Variants in SYT1 observed in about 807,000 individuals in gnomAD.
SYT1 encodes synaptotagmin 1, also known as synaptotagmin-1.
In SYT1, 8 loss-of-function variants were observed where a neutral mutation model predicts 44.8. The ratio of observed to expected loss-of-function variants is 0.18; its 90% confidence interval spans 0.10 to 0.32. SYT1 has a LOEUF of 0.32. Ranked by LOEUF, SYT1 falls within the 10% of genes least tolerant of loss-of-function variation. SYT1 has a pLI of 1.00. For synonymous variants in SYT1, 154 were observed against 188.8 expected (o/e 0.82, Z 1.51); for missense variants, 286 against 509.3 (o/e 0.56, Z 4.22).
intron 3 of SYT1, among the ~76,000 whole-genome samples, chr12:79,134,364 G>A (rs537941340): frequency 6.6e-6 from 1 of 152,124 alleles, no homozygotes; most frequent in Non-Finnish European, 1.5e-5. Flanking sequence ...AAAATTACAA[G>A]GTAAAAGCTG....
At chr12:79,244,232 T>C (rs1174303657) in intron 4 of SYT1, among the ~76,000 whole-genome samples, 1 of 152,242 alleles carries the variant, frequency 6.6e-6, no homozygotes, top group Non-Finnish European at 1.5e-5. Flanking sequence ...TCATTGGCTT[T>C]GCACATGCCA....
At chr12:79,193,862 A>G (rs1873279138) in intron 3 of SYT1, among the ~76,000 whole-genome samples, 1 of 152,094 alleles carries the variant, frequency 6.6e-6, no homozygotes, top group African/African-American at 2.4e-5. Flanking sequence ...TTCACTTTGT[A>G]TTGTTTTATT....
intron 4 of SYT1, among the ~76,000 whole-genome samples, chr12:79,266,624 C>T (rs543842001): frequency 1.1e-4 from 17 of 152,128 alleles, no homozygotes; most frequent in South Asian, 8.3e-4. Flanking sequence ...TCCCTTCAGA[C>T]GCAAGAACAG....
intron 3 of SYT1, among the ~76,000 whole-genome samples, chr12:79,174,807 A>G (rs1482012735): frequency 9.2e-5 from 14 of 152,060 alleles, no homozygotes. Flanking sequence ...AGGAATTGGC[A>G]TCATCCTATT....
At chr12:79,304,990 G>A (rs142712055) in intron 8 of SYT1, among the ~76,000 whole-genome samples, 32 of 152,062 alleles carry the variant, frequency 2.1e-4, no homozygotes, top group African/African-American at 7.2e-4. Context: ...TTGAGTTTGA[G>A]TCTTTGGTTA....
chr12:78,870,798 A>G (rs2137034564), intron 1 of SYT1, among the ~76,000 whole-genome samples: 1 of 152,172 alleles, frequency 6.6e-6, no homozygotes, highest in Admixed American at 6.5e-5. Flanking sequence ...TACTGTGGGT[A>G]GGAAACAGGT....
chr12:78,963,469 A>G (rs554391440), intron 1 of SYT1, among the ~76,000 whole-genome samples: 1 of 152,314 alleles, frequency 6.6e-6, no homozygotes, highest in Non-Finnish European at 1.5e-5. Flanking sequence ...AATAGCAAAA[A>G]AAACACACTG....
At chr12:79,149,936 A>G (rs1344941019) in intron 3 of SYT1, among the ~76,000 whole-genome samples, 1 of 152,216 alleles carries the variant, frequency 6.6e-6, no homozygotes, top group Admixed American at 6.5e-5. Context: ...TCACTGAAGA[A>G]ATAAGTAAAT....
At chr12:79,173,525 A>G (rs1181832600) in intron 3 of SYT1, among the ~76,000 whole-genome samples, 2 of 152,102 alleles carry the variant, frequency 1.3e-5, no homozygotes, top group Admixed American at 1.3e-4. Flanking sequence ...TGGAATATGA[A>G]GAGTAAAAAT....
chr12:79,288,967 T>G (rs1879443659), intron 5 of SYT1, among the ~76,000 whole-genome samples: 1 of 152,126 alleles, frequency 6.6e-6, no homozygotes, highest in African/African-American at 2.4e-5. Flanking sequence ...ACTAAATTGA[T>G]TTTTTTAAAG....
chr12:78,981,445 T>A (rs1413365149), intron 2 of SYT1, among the ~76,000 whole-genome samples: 1 of 152,100 alleles, frequency 6.6e-6, no homozygotes, highest in East Asian at 1.9e-4. Context: ...TTAAAATGAA[T>A]AGGTAACTAT....
chr12:78,961,076 C>T (rs1879475686), intron 1 of SYT1, among the ~76,000 whole-genome samples: 1 of 151,646 alleles, frequency 6.6e-6, no homozygotes, highest in South Asian at 2.1e-4. Flanking sequence ...TTGCTGTTTC[C>T]TTAAGTTTGC....
chr12:78,922,267 C>T (rs894635480), intron 1 of SYT1, among the ~76,000 whole-genome samples: 16 of 151,960 alleles, frequency 1.1e-4, no homozygotes, highest in Admixed American at 2.6e-4. Context: ...CCAGTACATA[C>T]TATGTGCTCA....
At chr12:78,931,427 GGAAGGA>G (rs1877741017) in intron 1 of SYT1, among the ~76,000 whole-genome samples, 1 of 136,932 alleles carries the variant, frequency 7.3e-6, no homozygotes, top group Non-Finnish European at 1.6e-5. Flanking sequence ...AAGGAAGGAA[GGAAGGA>G]AAAGAAAGAA....
At chr12:79,292,310 G>A (rs560296561) in intron 6 of SYT1, among the ~76,000 whole-genome samples, 180 bp downstream of exon 6, 25 of 152,258 alleles carry the variant, frequency 1.6e-4, no homozygotes, top group Admixed American at 1.4e-3. Flanking sequence ...TTTAACTTCT[G>A]GTAATTAGAA....
At chr12:79,084,671 G>A (rs1206356280) in intron 3 of SYT1, among the ~76,000 whole-genome samples, 31 of 152,070 alleles carry the variant, frequency 2.0e-4, no homozygotes, top group Admixed American at 2.0e-3. Context: ...TCAGAGGAAG[G>A]CCTGTACAAT....
intron 2 of SYT1, among the ~76,000 whole-genome samples, chr12:79,007,250 C>T (rs1017717627): frequency 6.6e-6 from 1 of 151,986 alleles, no homozygotes; most frequent in Non-Finnish European, 1.5e-5. Flanking sequence ...TTATCAAGTC[C>T]CTCCTCCTCT....
intron 3 of SYT1, among the ~76,000 whole-genome samples, chr12:79,074,573 T>C (rs1246918926): frequency 6.6e-6 from 1 of 152,190 alleles, no homozygotes; most frequent in African/African-American, 2.4e-5. Flanking sequence ...GATAAAATTT[T>C]CTGAATAAAA....
At chr12:79,446,004 T>TACAC (rs1257498731) in intron 10 of SYT1, among the ~76,000 whole-genome samples, 6 of 119,100 alleles carry the variant, frequency 5.0e-5, no homozygotes, top group African/African-American at 1.6e-4. Context: ...TATATATATA[T>TACAC]ATATATATAT....
Sources: gnomAD v4.1 joint callset for allele counts (sites outside exome capture counted in the v4.1 genomes callset) on GRCh38, gnomAD v4.1.1 for gene constraint, MANE v1.5 for transcripts, NCBI Gene and HGNC (gene_info 2026-07-23, HGNC 2026-07-21) for gene names.